PRR16: variants seen among roughly 807,000 people sequenced by gnomAD.
PRR16 encodes proline rich 16.
Under a neutral mutation model 18.2 loss-of-function variants are expected in PRR16, and 6 were observed. That is an observed-to-expected ratio of 0.33 (90% CI 0.18 to 0.65). The LOEUF (loss-of-function observed/expected upper bound fraction) is 0.65, where lower values mean the gene tolerates loss of function less well. Ranked by LOEUF, PRR16 falls within the 30% of genes least tolerant of loss-of-function variation. The probability of loss-of-function intolerance (pLI) is 0.74; values close to 1 mark genes in which losing one functional copy is unlikely to be tolerated. For synonymous variants in PRR16, 151 were observed against 147.8 expected, an observed-to-expected ratio of 1.02 and a Z score of -0.16; for missense variants, 412 against 376.6, an observed-to-expected ratio of 1.09 and a Z score of -0.78.
chr5:120,794,553 G>A, the PRR16 span, among the ~76,000 whole-genome samples: 6 of 152,062 alleles, frequency 3.9e-5, no homozygotes, highest in South Asian at 8.3e-4. Context: ...ATAAGATGGC[G>A]AACTTAATCA....
At chr5:120,650,906 G>A (rs1029901838) in intron 1 of PRR16, among the ~76,000 whole-genome samples, 3 of 152,046 alleles carry the variant, frequency 2.0e-5, no homozygotes, top group African/African-American at 7.2e-5. Context: ...TCGCCACACT[G>A]ACTTCCACAA....
intron 1 of PRR16, among the ~76,000 whole-genome samples, chr5:120,664,613 C>T (rs1181414026): frequency 6.6e-6 from 1 of 151,960 alleles, no homozygotes; most frequent in African/African-American, 2.4e-5. Flanking sequence ...CCTGCTCCCC[C>T]TACCCCACAG....
At chr5:120,513,581 A>G (rs1357120580) in intron 1 of PRR16, among the ~76,000 whole-genome samples, 1 of 151,902 alleles carries the variant, frequency 6.6e-6, no homozygotes, top group East Asian at 1.9e-4. Flanking sequence ...TGATCCTCAG[A>G]CATTCGTTAC....
intron 1 of PRR16, among the ~76,000 whole-genome samples, chr5:120,500,544 A>T (rs1750414829): frequency 6.6e-6 from 1 of 152,248 alleles, no homozygotes; most frequent in Non-Finnish European, 1.5e-5. Context: ...TAATGAAGAC[A>T]TGAATGTCCT....
intron 1 of PRR16, among the ~76,000 whole-genome samples, chr5:120,537,779 T>C (rs1037725121): frequency 3.5e-5 from 5 of 143,524 alleles, no homozygotes; most frequent in Admixed American, 1.4e-4. Context: ...GTTTTTTTTT[T>C]TTTTTTTTTT....
chr5:120,550,551 C>T (rs528735803), intron 1 of PRR16, among the ~76,000 whole-genome samples: 22 of 152,100 alleles, frequency 1.4e-4, no homozygotes, highest in African/African-American at 5.1e-4. Flanking sequence ...TGGACTTCAA[C>T]GCATGCAGTA....
chr5:120,494,149 C>T (rs1011977656), intron 1 of PRR16, among the ~76,000 whole-genome samples: 1 of 152,066 alleles, frequency 6.6e-6, no homozygotes. Flanking sequence ...TCAGTCCTAC[C>T]GTCAATGTAT....
At chr5:120,581,838 C>G (rs1277678486) in intron 1 of PRR16, among the ~76,000 whole-genome samples, 1 of 152,026 alleles carries the variant, frequency 6.6e-6, no homozygotes, top group Non-Finnish European at 1.5e-5. Context: ...GAGTGGGTTT[C>G]TTAATCTTGA....
At chr5:120,653,863 G>C (rs2150133499) in intron 1 of PRR16, among the ~76,000 whole-genome samples, 1 of 152,024 alleles carries the variant, frequency 6.6e-6, no homozygotes, top group African/African-American at 2.4e-5. Context: ...TAATGCCTTA[G>C]CTTAAACCTC....
chr5:120,641,686 A>G (rs1385812661), intron 1 of PRR16, among the ~76,000 whole-genome samples: 1 of 152,032 alleles, frequency 6.6e-6, no homozygotes, highest in Non-Finnish European at 1.5e-5. Context: ...ATTCTTTCCG[A>G]TCAAAAGAGC....
chr5:120,541,446 A>C (rs879691130), intron 1 of PRR16, among the ~76,000 whole-genome samples: 5 of 152,174 alleles, frequency 3.3e-5, no homozygotes, highest in Non-Finnish European at 7.4e-5. Flanking sequence ...GTGCCCAGCC[A>C]ATGACTGTTT....
At position 120,555,946 on chromosome 5, in the gene PRR16, CTT is replaced by C. The variant is rs1180415470; in HGVS notation, c.159+91303_159+91304del. Among the ~76,000 whole-genome samples, 4 of 151,322 alleles carry C rather than the reference CTT, an allele frequency of 2.6e-5. No homozygotes were observed. The East Asian group carries it at 5.8e-4, about 22-fold the overall frequency. On this transcript the variant is annotated intron_variant, in intron 1 of 1. Transcript: ENST00000407149. ...ATCTTGAAAAATTGATTAAAAAAGACTTTATTTCCATGGACAGAAGTTGTATG... is the reference window on the plus strand; with the variant it reads ...ATCTTGAAAAATTGATTAAAAAAGACTATTTCCATGGACAGAAGTTGTATG...
chr5:120,631,460 G>A (rs1755051914), intron 1 of PRR16, among the ~76,000 whole-genome samples: 1 of 152,094 alleles, frequency 6.6e-6, no homozygotes, highest in African/African-American at 2.4e-5. Context: ...CTGGTCACTG[G>A]TGGCCTAGAA....
chr5:120,587,032 A>G (rs948705275), intron 1 of PRR16, among the ~76,000 whole-genome samples: 2 of 152,326 alleles, frequency 1.3e-5, no homozygotes, highest in Admixed American at 1.3e-4. Flanking sequence ...TGCTGATGAG[A>G]AAGTTTTAGT....
At chr5:120,721,950 T>C in the PRR16 span, among the ~76,000 whole-genome samples, 1 of 152,044 alleles carries the variant, frequency 6.6e-6, no homozygotes, top group Non-Finnish European at 1.5e-5. Context: ...TGTTACAAGG[T>C]ATACACATGC....
At chr5:120,700,742 C>G in the PRR16 span, among the ~76,000 whole-genome samples, 1 of 152,252 alleles carries the variant, frequency 6.6e-6, no homozygotes, top group African/African-American at 2.4e-5. Context: ...AGTGGGTAGC[C>G]TCCGTGCTGA....
intron 1 of PRR16, among the ~76,000 whole-genome samples, chr5:120,577,477 T>C (rs1165218976): frequency 1.3e-5 from 2 of 151,836 alleles, no homozygotes; most frequent in Non-Finnish European, 2.9e-5. Flanking sequence ...ATAATACCAA[T>C]GTTCATTGGG....
intron 1 of PRR16, among the ~76,000 whole-genome samples, chr5:120,631,455 C>T (rs192023244): frequency 3.9e-5 from 6 of 152,212 alleles, no homozygotes; most frequent in Admixed American, 3.9e-4. Flanking sequence ...CAGCCCTGGT[C>T]ACTGGTGGCC....
chr5:120,729,501 G>A, the PRR16 span, among the ~76,000 whole-genome samples: 2 of 152,098 alleles, frequency 1.3e-5, no homozygotes, highest in Non-Finnish European at 2.9e-5. Context: ...GGCCAACATG[G>A]CGCTAATAAA....
Sources: allele counts gnomAD v4.1 joint callset (sites outside exome capture counted in the v4.1 genomes callset), GRCh38; gene constraint gnomAD v4.1.1; transcripts MANE v1.5; gene names NCBI Gene and HGNC (gene_info 2026-07-23, HGNC 2026-07-21).